The following ST6GALNAC3 variants were observed in gnomAD, a reference collection of about 807,000 sequenced individuals.
ST6GALNAC3 encodes the protein ST6 N-acetylgalactosaminide alpha-2,6-sialyltransferase 3.
Under a neutral mutation model 32.7 loss-of-function variants are expected in ST6GALNAC3, and 25 were observed. The ratio of observed to expected loss-of-function variants is 0.76; its 90% CI spans 0.56 to 1.07. The LOEUF (loss-of-function observed/expected upper bound fraction) is 1.07, where lower values mean the gene tolerates loss of function less well. ST6GALNAC3 is among the 50% of genes least tolerant of loss of function. The probability of loss-of-function intolerance (pLI) is 0.00; values close to 1 mark genes in which losing one functional copy is unlikely to be tolerated. For synonymous variants in ST6GALNAC3, 129 were observed against 133.1 expected, an observed-to-expected ratio of 0.97 and a Z score of 0.21; for missense variants, 355 against 382.4, an observed-to-expected ratio of 0.93 and a Z score of 0.60.
At chr1:76,312,635 A>G (rs1646788371) in intron 1 of ST6GALNAC3, among the ~76,000 whole-genome samples, 1 of 152,202 alleles carries the variant, frequency 6.6e-6, no homozygotes, top group Non-Finnish European at 1.5e-5. Flanking sequence ...AAAGGATATG[A>G]ACAGACATTT....
chr1:76,424,317 TTC>T (rs1655228552), intron 3 of ST6GALNAC3, among the ~76,000 whole-genome samples: 1 of 151,906 alleles, frequency 6.6e-6, no homozygotes, highest in African/African-American at 2.4e-5. Flanking sequence ...CCATTGGCAG[TTC>T]TGTCATCTGG....
rs942361398 is a variant in ST6GALNAC3, at chr1:76,178,909, T to C, written c.18+104025T>C. Among the ~76,000 whole-genome samples, 3 of 152,250 alleles carry C rather than the reference T, an allele frequency of 2.0e-5. No individual in the cohort carries two copies. In the South Asian group the frequency reaches 6.2e-4, roughly 32 times the overall value. ...GCCTATTTCTGTCTTCCTTGTCTACTACTGTCACTGTCAACCCCTTGTGGC... is the reference window on the plus strand; with the variant it reads ...GCCTATTTCTGTCTTCCTTGTCTACCACTGTCACTGTCAACCCCTTGTGGC... On this transcript the variant is annotated intron_variant, in intron 1 of 4. Transcript: ENST00000328299.
At chr1:76,376,462 T>A (rs1011994062) in intron 2 of ST6GALNAC3, among the ~76,000 whole-genome samples, 1 of 152,192 alleles carries the variant, frequency 6.6e-6, no homozygotes, top group Admixed American at 6.5e-5. Flanking sequence ...GACAGCTCCC[T>A]CCTTCTCTCC....
intron 3 of ST6GALNAC3, among the ~76,000 whole-genome samples, chr1:76,545,906 G>A (rs145224938): frequency 2.0e-5 from 3 of 152,230 alleles, no homozygotes; most frequent in Admixed American, 1.3e-4. Flanking sequence ...TGATCCACCC[G>A]CCTCAGCCTT....
At chr1:76,448,927 C>T (rs961676502) in intron 3 of ST6GALNAC3, among the ~76,000 whole-genome samples, 3 of 152,110 alleles carry the variant, frequency 2.0e-5, no homozygotes, top group African/African-American at 7.2e-5. Context: ...CCTCCACCTC[C>T]TGGGTTCAAG....
intron 1 of ST6GALNAC3, among the ~76,000 whole-genome samples, chr1:76,235,564 A>G (rs920650163): frequency 6.6e-6 from 1 of 151,844 alleles, no homozygotes; most frequent in African/African-American, 2.4e-5. Context: ...TGCCTACAAA[A>G]GCCAAGGTTA....
At chr1:76,088,365 C>T (rs573762291) in intron 1 of ST6GALNAC3, among the ~76,000 whole-genome samples, 5 of 152,176 alleles carry the variant, frequency 3.3e-5, no homozygotes, top group East Asian at 3.9e-4. Context: ...AAGGAGCTTG[C>T]GGAAATGAAA....
chr1:76,269,315 C>T (rs769939538), intron 1 of ST6GALNAC3, among the ~76,000 whole-genome samples: 12 of 152,128 alleles, frequency 7.9e-5, no homozygotes, highest in Non-Finnish European at 1.5e-4. Context: ...CAGAAGTTAC[C>T]AACATGGGTG....
intron 3 of ST6GALNAC3, among the ~76,000 whole-genome samples, chr1:76,484,265 A>G (rs1659945299): frequency 6.6e-6 from 1 of 152,090 alleles, no homozygotes; most frequent in Admixed American, 6.6e-5. Flanking sequence ...GAAGAAAGTC[A>G]TTTGTAGCTT....
At chr1:76,625,146 G>C (rs555287870) in intron 3 of ST6GALNAC3, among the ~76,000 whole-genome samples, 1 of 152,076 alleles carries the variant, frequency 6.6e-6, no homozygotes, top group South Asian at 2.1e-4. Flanking sequence ...ACTGCACTCT[G>C]TGTTGACTCT....
chr1:76,576,897 T>C, intron 3 of ST6GALNAC3: 1 of 1,303,672 alleles, frequency 7.7e-7, no homozygotes. Context: ...ACCACATACA[T>C]GTCCTGCCCC....
chr1:76,204,750 A>G (rs1002410604), intron 1 of ST6GALNAC3, among the ~76,000 whole-genome samples: 1 of 152,204 alleles, frequency 6.6e-6, no homozygotes. Context: ...TTTTATTTCC[A>G]TAATCTTCTC....
intron 1 of ST6GALNAC3, among the ~76,000 whole-genome samples, chr1:76,308,473 T>C (rs769621728): frequency 6.6e-6 from 1 of 152,174 alleles, no homozygotes; most frequent in Non-Finnish European, 1.5e-5. Flanking sequence ...GTACTTACTG[T>C]TGTTTAATCT....
intron 2 of ST6GALNAC3, among the ~76,000 whole-genome samples, chr1:76,393,256 A>G (rs1462759954): frequency 6.6e-6 from 1 of 152,212 alleles, no homozygotes; most frequent in Non-Finnish European, 1.5e-5. Context: ...AAGACAGGTT[A>G]GTGGAATCTT....
chr1:76,352,527 G>A (rs1474681088), intron 2 of ST6GALNAC3, among the ~76,000 whole-genome samples: 1 of 137,256 alleles, frequency 7.3e-6, no homozygotes, highest in African/African-American at 2.8e-5. Flanking sequence ...TTTACCTCCG[G>A]CCAATCTCTA....
At chr1:76,218,033 G>A (rs981094074) in intron 1 of ST6GALNAC3, among the ~76,000 whole-genome samples, 1 of 151,872 alleles carries the variant, frequency 6.6e-6, no homozygotes, top group Admixed American at 6.6e-5. Context: ...TAGATACCCA[G>A]GAGTGGAATT....
chr1:76,189,820 A>C (rs1173329308), intron 1 of ST6GALNAC3, among the ~76,000 whole-genome samples: 1 of 152,154 alleles, frequency 6.6e-6, no homozygotes, highest in East Asian at 1.9e-4. Context: ...GAAGGGTCTT[A>C]TAGTCCAGGC....
At chr1:76,382,125 T>C (rs532243120) in intron 2 of ST6GALNAC3, among the ~76,000 whole-genome samples, 1 of 152,282 alleles carries the variant, frequency 6.6e-6, no homozygotes, top group Non-Finnish European at 1.5e-5. Context: ...TGGATCAAGA[T>C]AACCTGTGTA....
At chr1:76,475,708 T>G (rs1659304542) in intron 3 of ST6GALNAC3, among the ~76,000 whole-genome samples, 1 of 152,174 alleles carries the variant, frequency 6.6e-6, no homozygotes, top group Non-Finnish European at 1.5e-5. Flanking sequence ...ATTTTATTTA[T>G]TTTTTATTCT....
Sources: gnomAD v4.1 joint callset for allele counts (sites outside exome capture counted in the v4.1 genomes callset) on GRCh38, gnomAD v4.1.1 for gene constraint, MANE v1.5 for transcripts, NCBI Gene and HGNC (gene_info 2026-07-23, HGNC 2026-07-21) for gene names.